Variants in FNDC1 observed in about 807,000 individuals in gnomAD.
The protein encoded by FNDC1 is fibronectin type III domain-containing protein 1.
A neutral mutation model predicts 168.0 loss-of-function variants in FNDC1; 96 were observed. The observed-to-expected ratio is 0.57, with a 90% CI of 0.48 to 0.68. The LOEUF (loss-of-function observed/expected upper bound fraction) is 0.68. Among genes scored for constraint, FNDC1 ranks in the 30% least tolerant of loss-of-function variants. FNDC1 has a pLI of 0.00. For missense variants in FNDC1, 2,587 were observed against 2,482.1 expected (o/e 1.04, Z -0.90); for synonymous variants, 1,099 against 1,025.9 (o/e 1.07, Z -1.36).
Position 159,233,484 on chromosome 6 carries a change from G to T in FNDC1, c.2972G>T (p.Ser991Ile). ...GCAGCACGGTCACAGCAGCATCCCA[G>T]TGTTCCCAGAAGGATGACACCCGGC... ...PPAARSQQHP[S>I]VPRRMTPGRA... The change falls in exon 11 of 23, where the codon AGT (serine) becomes ATT (isoleucine). Residue 991 changes from serine to isoleucine, a missense_variant. Transcript: ENST00000297267. The surrounding 1 kb of genome is among the most constrained non-coding windows in gnomAD (Gnocchi z 4.6). 6.2e-7 allele frequency: 1 copy of T among 1,605,076 alleles called. No individual in the cohort carries two copies. Among genetic ancestry groups the T allele is most frequent in the Non-Finnish European group, 8.5e-7 (1 of 1,178,546 alleles).
chr6:159,266,270 A>C, intron 21 of FNDC1, 25 bp downstream of exon 21: 7 of 1,612,400 alleles, frequency 4.3e-6, no homozygotes, highest in Non-Finnish European at 5.9e-6. Flanking sequence ...ATGGTTGGCT[A>C]TGGGAGGTAT....
chr6:159,247,914 T>C (rs1431351891), intron 15 of FNDC1, among the ~76,000 whole-genome samples: 1 of 152,208 alleles, frequency 6.6e-6, no homozygotes, highest in Non-Finnish European at 1.5e-5. Flanking sequence ...AGGAATCTTG[T>C]CCACACCCAG....
rs1441831229 is a variant in FNDC1 at position 159,264,843 on chromosome 6, G to T, written c.5255-132G>T. On this transcript the variant is annotated intron_variant, in intron 19 of 22. Coordinates refer to ENST00000297267, the MANE Select transcript of FNDC1 (RefSeq NM_032532.3). The stretch of plus-strand genomic sequence containing the variant: ...TTTAGAAAATAAAACCAAGGAAAAC[G>T]TTGGCATCTATCAAACCTTATCTTT... 5 of 649,962 alleles carry T rather than the reference G, an allele frequency of 7.7e-6. 1 individual carries two copies. In the South Asian group the frequency reaches 1.2e-4, roughly 16 times the overall value. The allele number at this position is 649,962 out of a possible 1,614,324, so 40.3% of individuals were successfully genotyped here. A position where few individuals can be genotyped will look rare whatever the true frequency, so the allele number is the denominator to read the frequency against.
intron 14 of FNDC1, among the ~76,000 whole-genome samples, chr6:159,244,632 C>G (rs1783500945): frequency 6.6e-6 from 1 of 152,232 alleles, no homozygotes; most frequent in African/African-American, 2.4e-5. Flanking sequence ...CCTTCTACTT[C>G]AATTTCCCCT....
chr6:159,249,439 A>G (rs1777210520), intron 16 of FNDC1, among the ~76,000 whole-genome samples: 1 of 152,194 alleles, frequency 6.6e-6, no homozygotes, highest in African/African-American at 2.4e-5. Flanking sequence ...ATAGACTAAG[A>G]GTAAGAAACA....
intron 4 of FNDC1, among the ~76,000 whole-genome samples, chr6:159,203,047 T>G (rs991880801): frequency 5.9e-5 from 9 of 152,214 alleles, no homozygotes; most frequent in Non-Finnish European, 1.5e-5. Flanking sequence ...TGAATGGCCT[T>G]TCTTTGTGAA....
intron 22 of FNDC1, among the ~76,000 whole-genome samples, chr6:159,268,768 C>G (rs1777644092): frequency 6.7e-6 from 1 of 149,552 alleles, no homozygotes; most frequent in East Asian, 2.0e-4. Flanking sequence ...TATTATTAAT[C>G]TATCTACACA....
intron 22 of FNDC1, among the ~76,000 whole-genome samples, chr6:159,269,514 GCATCCATCCATCCATCCATC>G (rs1159382501): frequency 7.0e-5 from 6 of 86,076 alleles, no homozygotes; most frequent in East Asian, 3.1e-4. Flanking sequence ...ATCCATCCAT[GCATCCATCCATCCATCCATC>G]CATCCATCCA....
At chr6:159,173,424 C>G (rs926686581) in intron 1 of FNDC1, among the ~76,000 whole-genome samples, 1 of 152,198 alleles carries the variant, frequency 6.6e-6, no homozygotes, top group Non-Finnish European at 1.5e-5. Flanking sequence ...GAGACCCTCT[C>G]TCCTTTTTTG....
chr6:159,238,419 T>G, intron 12 of FNDC1, 135 bp from the exon 13 acceptor site: 1 of 607,040 alleles, frequency 1.6e-6, no homozygotes, highest in Admixed American at 3.4e-5. Context: ...TGAATGATAT[T>G]GACAAAAAGA....
At chr6:159,257,796 C>T (rs533710088) in intron 18 of FNDC1, among the ~76,000 whole-genome samples, 1 of 152,092 alleles carries the variant, frequency 6.6e-6, no homozygotes, top group Admixed American at 6.5e-5. Context: ...AACCAGGAAA[C>T]TGAGAAAGCA....
intron 1 of FNDC1, among the ~76,000 whole-genome samples, chr6:159,191,353 A>G (rs1237067325): frequency 6.6e-6 from 1 of 152,222 alleles, no homozygotes; most frequent in Non-Finnish European, 1.5e-5. Context: ...ACTCAAATCT[A>G]TTATTTTAAG....
Position 159,249,175 on chromosome 6 carries a change from A to G in FNDC1, c.4827A>G (p.Arg1609=), listed in dbSNP as rs769911976. 10 of 1,609,486 alleles carry G rather than the reference A, an allele frequency of 6.2e-6. 1 individual carries two copies. In the South Asian group the frequency reaches 1.1e-4, roughly 18 times the overall value. The change falls in exon 16 of 23, where the codon CGA becomes CGG. Residue 1609 remains arginine (R), a synonymous_variant. Transcript: ENST00000297267. ...AATTTGATCTGGCTGGAAGGAAACGATTTGTTGGTAAATATAATGTCCTTA... is the reference window on the plus strand; with the variant it reads ...AATTTGATCTGGCTGGAAGGAAACGGTTTGTTGGTAAATATAATGTCCTTA... ...EEEFDLAGRK[R]FVAPYVTYLN...
intron 18 of FNDC1, among the ~76,000 whole-genome samples, chr6:159,259,181 G>A (rs578125780): frequency 6.6e-6 from 1 of 152,302 alleles, no homozygotes; most frequent in African/African-American, 2.4e-5. Context: ...ACTATTCAGA[G>A]TATGAAATGT....
Position 159,251,438 on chromosome 6 carries a change from T to C in FNDC1, c.4971T>C (p.His1657=), listed in dbSNP as rs780282207. Residue 1657 remains histidine (H), a synonymous_variant, in exon 17 of 23, where the codon CAT becomes CAC. Coordinates refer to ENST00000297267, the MANE Select transcript of FNDC1 (RefSeq NM_032532.3). Reference sequence around the variant, plus strand: ...AGAAGAGTGACCTGCCTCCCCAGCATGCTCCCCGCAACATCACCGTGGTGG... The same window carrying C: ...AGAAGAGTGACCTGCCTCCCCAGCACGCTCCCCGCAACATCACCGTGGTGG... ...DLKKSDLPPQ[H]APRNITVVAV... is the part of the protein sequence containing the mutation. The C allele has an allele frequency of 1.2e-6, 2 of 1,613,974 alleles. No homozygotes were observed. Among genetic ancestry groups the C allele is most frequent in the Non-Finnish European group, 1.7e-6 (2 of 1,179,882 alleles).
intron 1 of FNDC1, among the ~76,000 whole-genome samples, chr6:159,181,352 C>T (rs935930339): frequency 6.6e-6 from 1 of 152,174 alleles, no homozygotes; most frequent in Admixed American, 6.5e-5. Context: ...ACCTGGTGTT[C>T]CAAAGACCTA....
chr6:159,218,858 C>G (rs1435506352), intron 5 of FNDC1, among the ~76,000 whole-genome samples: 1 of 151,984 alleles, frequency 6.6e-6, no homozygotes, highest in Non-Finnish European at 1.5e-5. Context: ...GGACAGGGAG[C>G]TGAGAGGGAG....
At chr6:159,258,379 T>C (rs1188856047) in intron 18 of FNDC1, among the ~76,000 whole-genome samples, 2 of 151,946 alleles carry the variant, frequency 1.3e-5, no homozygotes, top group Admixed American at 6.6e-5. Flanking sequence ...TAATGGGGGA[T>C]TTTTTTTCTT....
intron 16 of FNDC1, among the ~76,000 whole-genome samples, chr6:159,249,802 A>G (rs1184576675): frequency 1.3e-5 from 2 of 152,222 alleles, no homozygotes; most frequent in East Asian, 3.8e-4. Flanking sequence ...TTAATGAGAC[A>G]GCTGGATTAA....
Sources: gnomAD v4.1 joint callset for allele counts (sites outside exome capture counted in the v4.1 genomes callset) on GRCh38, gnomAD v4.1.1 for gene constraint, Gnocchi (gnomAD v3.1) non-coding constraint, MANE v1.5 for transcripts, NCBI Gene and HGNC (gene_info 2026-07-23, HGNC 2026-07-21) for gene names.